The following SHISA6 variants were observed in gnomAD, a reference collection of about 807,000 sequenced individuals.
The protein encoded by SHISA6 is shisa family member 6.
SHISA6 carries 22 observed loss-of-function variants against 47.9 expected under a neutral mutation model. The observed-to-expected ratio is 0.46, with a 90% confidence interval of 0.33 to 0.66. The LOEUF (loss-of-function observed/expected upper bound fraction) is 0.66, where lower values mean the gene tolerates loss of function less well. Among genes scored for constraint, SHISA6 ranks in the 30% least tolerant of loss-of-function variants. The probability of loss-of-function intolerance (pLI) is 0.02; values close to 1 mark genes in which losing one functional copy is unlikely to be tolerated. For missense variants in SHISA6, 680 were observed against 764.6 expected, an observed-to-expected ratio of 0.89 and a Z score of 1.30; for synonymous variants, 388 against 337.8, an observed-to-expected ratio of 1.15 and a Z score of -1.63.
intron 2 of SHISA6, among the ~76,000 whole-genome samples, chr17:11,328,505 C>G (rs1910987844): frequency 6.6e-6 from 1 of 152,146 alleles, no homozygotes; most frequent in African/African-American, 2.4e-5. Flanking sequence ...TCTTCCAGGG[C>G]TTTCTTGAGA....
chr17:11,528,353 A>T (rs2071703905), intron 3 of SHISA6, among the ~76,000 whole-genome samples: 1 of 152,224 alleles, frequency 6.6e-6, no homozygotes, highest in Admixed American at 6.5e-5. Flanking sequence ...TTCATCAGCA[A>T]ATGTAATTCC....
intron 3 of SHISA6, among the ~76,000 whole-genome samples, chr17:11,420,791 C>T (rs1414355387): frequency 6.6e-6 from 1 of 152,168 alleles, no homozygotes; most frequent in Non-Finnish European, 1.5e-5. Context: ...TCAAAGTCCC[C>T]GGGGGAACCA....
At chr17:11,374,570 G>A (rs994944841) in intron 2 of SHISA6, among the ~76,000 whole-genome samples, 5 of 151,812 alleles carry the variant, frequency 3.3e-5, no homozygotes, top group Admixed American at 6.6e-5. Context: ...CCCCTATTTA[G>A]TGAAAAGTCT....
chr17:11,335,642 T>G (rs1332284341), intron 2 of SHISA6, among the ~76,000 whole-genome samples: 10 of 152,234 alleles, frequency 6.6e-5, no homozygotes, highest in East Asian at 5.8e-4. Context: ...AACCTAGTGT[T>G]TGAATGAACT....
intron 3 of SHISA6, among the ~76,000 whole-genome samples, chr17:11,384,900 T>C (rs1280893898): frequency 6.6e-6 from 1 of 152,202 alleles, no homozygotes; most frequent in Admixed American, 6.5e-5. Context: ...AGAAAGGAGC[T>C]ACAGTGATCG....
chr17:11,455,430 G>A (rs970568720), intron 3 of SHISA6, among the ~76,000 whole-genome samples: 6 of 152,142 alleles, frequency 3.9e-5, no homozygotes, highest in Non-Finnish European at 5.9e-5. Flanking sequence ...GCAAATTCAT[G>A]GAAGAGGAGT....
At chr17:11,408,977 G>A (rs1423513819) in intron 3 of SHISA6, among the ~76,000 whole-genome samples, 1 of 152,080 alleles carries the variant, frequency 6.6e-6, no homozygotes, top group Admixed American at 6.5e-5. Context: ...AACGTTGCAA[G>A]ACACACAGAG....
chr17:11,508,552 T>TC (rs533111286), intron 3 of SHISA6, among the ~76,000 whole-genome samples: 3 of 107,068 alleles, frequency 2.8e-5, no homozygotes, highest in African/African-American at 3.8e-5. Context: ...TCCCCTCCTC[T>TC]CCCCTCCCCT....
rs1365659383 is a variant in SHISA6 at position 11,370,324 on chromosome 17, A to C, written c.800-9090A>C. Among the ~76,000 whole-genome samples the C allele has an allele frequency of 2.0e-5, 3 of 152,166 alleles. No individual in the cohort carries two copies. In the East Asian group the frequency reaches 5.8e-4, roughly 29 times the overall value. ...AGGAGACCCCATAGTGGAGCTCCTC[A>C]ATTACAACGGGTGAGTTGACCTACA... On this transcript the variant is annotated intron_variant, in intron 2 of 5. Transcript: ENST00000441885.
intron 3 of SHISA6, among the ~76,000 whole-genome samples, chr17:11,395,513 CTTTTTTTTTTT>C (rs886287303): frequency 2.6e-5 from 3 of 117,412 alleles, no homozygotes; most frequent in Non-Finnish European, 5.4e-5. Context: ...GGCAGTTTTA[CTTTTTTTTTTT>C]TTTTTTTTTT....
chr17:11,249,328 G>A (rs1028949059), intron 1 of SHISA6, among the ~76,000 whole-genome samples: 7 of 151,852 alleles, frequency 4.6e-5, no homozygotes, highest in African/African-American at 7.3e-5. Flanking sequence ...GTGTGTGTGC[G>A]TGTGTATATG....
intron 2 of SHISA6, among the ~76,000 whole-genome samples, chr17:11,344,337 T>A (rs1911628125): frequency 2.0e-5 from 3 of 152,176 alleles, no homozygotes; most frequent in Non-Finnish European, 4.4e-5. Flanking sequence ...ATGAAATACA[T>A]TTTATGTATT....
intron 3 of SHISA6, among the ~76,000 whole-genome samples, chr17:11,387,016 G>T (rs1913217470): frequency 6.6e-6 from 1 of 152,192 alleles, no homozygotes; most frequent in African/African-American, 2.4e-5. Flanking sequence ...ACGATAACCT[G>T]CAGAACCCAG....
chr17:11,525,144 G>A (rs2071665044), intron 3 of SHISA6, among the ~76,000 whole-genome samples: 1 of 152,152 alleles, frequency 6.6e-6, no homozygotes, highest in African/African-American at 2.4e-5. Context: ...GGAGGGGATA[G>A]AATTAAGCTG....
At chr17:11,376,500 A>G (rs1327361841) in intron 2 of SHISA6, among the ~76,000 whole-genome samples, 2 of 151,466 alleles carry the variant, frequency 1.3e-5, no homozygotes, top group African/African-American at 4.9e-5. Flanking sequence ...CATTTTTTGT[A>G]TTTTTAGTAA....
intron 3 of SHISA6, among the ~76,000 whole-genome samples, chr17:11,474,201 T>C (rs894200012): frequency 5.3e-5 from 8 of 152,144 alleles, no homozygotes; most frequent in Non-Finnish European, 8.8e-5. Flanking sequence ...CATTCCTATT[T>C]CTCCACAGCC....
At chr17:11,397,661 G>A (rs950251331) in intron 3 of SHISA6, among the ~76,000 whole-genome samples, 1 of 149,604 alleles carries the variant, frequency 6.7e-6, no homozygotes, top group African/African-American at 2.5e-5. Context: ...TTGTTGCCTT[G>A]CTTTCTATGT....
At chr17:11,431,590 T>C (rs1219554945) in intron 3 of SHISA6, among the ~76,000 whole-genome samples, 1 of 152,190 alleles carries the variant, frequency 6.6e-6, no homozygotes, top group Non-Finnish European at 1.5e-5. Flanking sequence ...ATTTTTCAGA[T>C]CCATTCCTTC....
chr17:11,435,703 G>A (rs947988966), intron 3 of SHISA6, among the ~76,000 whole-genome samples: 1 of 152,010 alleles, frequency 6.6e-6, no homozygotes, highest in African/African-American at 2.4e-5. Flanking sequence ...GGCTCATGGG[G>A]TTGCTGGTCA....
Sources: allele counts gnomAD v4.1 joint callset (sites outside exome capture counted in the v4.1 genomes callset), GRCh38; gene constraint gnomAD v4.1.1; transcripts MANE v1.5; gene names NCBI Gene and HGNC (gene_info 2026-07-23, HGNC 2026-07-21).